Variants in RRAS2 observed in about 807,000 individuals in gnomAD.
RRAS2 encodes RAS related 2, also known as ras-related protein R-Ras2.
RRAS2 carries 7 observed loss-of-function variants against 27.6 expected under a neutral mutation model. That is an observed-to-expected ratio of 0.25 (90% CI 0.14 to 0.48). RRAS2 has a LOEUF of 0.48. Ranked by LOEUF, RRAS2 falls within the 20% of genes least tolerant of loss-of-function variation. The pLI, the probability that RRAS2 is intolerant of heterozygous loss-of-function variation, is 0.99. For synonymous variants in RRAS2, 86 were observed against 90.9 expected (o/e 0.95, Z 0.31); for missense variants, 178 against 256.2 (o/e 0.69, Z 2.08).
Position 14,286,517 on chromosome 11 carries a change from T to C in RRAS2, c.409-4797A>G, listed in dbSNP as rs148158738. On this transcript the variant is annotated intron_variant, in intron 4 of 5. Coordinates refer to ENST00000256196, the MANE Select transcript of RRAS2 (RefSeq NM_012250.6). ...ATATAAGGTTTTCTACTTTGATTGATTAGAATATGAATTATTCCTAGCCCT... is the reference window on the plus strand; with the variant it reads ...ATATAAGGTTTTCTACTTTGATTGACTAGAATATGAATTATTCCTAGCCCT... Among the ~76,000 whole-genome samples the C allele has an allele frequency of 3.3e-5, 5 of 152,344 alleles. No homozygotes were observed. In the East Asian group the frequency reaches 9.6e-4, roughly 29 times the overall value.
At chr11:14,319,344 T>TC (rs1564969269) in intron 1 of RRAS2, among the ~76,000 whole-genome samples, 2 of 105,028 alleles carry the variant, frequency 1.9e-5, no homozygotes, top group Non-Finnish European at 1.9e-5. Flanking sequence ...GTTCCCTCTG[T>TC]CTTTTTTTTT....
chr11:14,332,411 G>C (rs34171876), intron 1 of RRAS2, among the ~76,000 whole-genome samples: 45,557 of 152,110 alleles, frequency 0.3, 7,835 homozygotes, highest in South Asian at 0.43. Flanking sequence ...TGAGGCAGGA[G>C]GCCCACTTGA....
rs782441022 is a variant in RRAS2 at position 14,358,714 on chromosome 11, C to A, written c.108+49G>T. On this transcript the variant is annotated intron_variant, in intron 1 of 5. Transcript: ENST00000256196. This position sits in a 1 kb window ranked among gnomAD's most constrained non-coding sequence, Gnocchi z 5.1. The stretch of plus-strand genomic sequence containing the variant: ...GCCGCCCCGCCACAGGTAGCGCCAG[C>A]CCCCGCCCGCCGCCGCTCCGGCGCC... The A allele has an allele frequency of 1.7e-6, 2 of 1,167,846 alleles. No homozygotes were observed. Among genetic ancestry groups the A allele is most frequent in the African/African-American group, 3.2e-5 (2 of 62,088 alleles). The allele number at this position is 1,167,846 out of a possible 1,614,324, so 72.3% of individuals were successfully genotyped here.
At chr11:14,303,419 T>C (rs927804097) in intron 1 of RRAS2, among the ~76,000 whole-genome samples, 1 of 152,170 alleles carries the variant, frequency 6.6e-6, no homozygotes, top group Non-Finnish European at 1.5e-5. Flanking sequence ...AGTCTCATAA[T>C]TTTTTAAAAT....
At chr11:14,356,801 C>CA in intron 1 of RRAS2, 1 of 374,156 alleles carries the variant, frequency 2.7e-6, no homozygotes, top group Non-Finnish European at 5.1e-6. Flanking sequence ...GCAATTAATG[C>CA]TTTTTTTTTT....
Position 14,294,856 on chromosome 11 carries a change from T to C in RRAS2, c.203A>G (p.Asp68Gly). 6.2e-7 allele frequency: 1 copy of C among 1,613,230 alleles called. No homozygotes were observed. Among genetic ancestry groups the C allele is most frequent in the Non-Finnish European group, 8.5e-7 (1 of 1,179,454 alleles). ...TCCAAACTCTTCTTGTCCTGCTGTA[T>C]CCAAAACTAAAGAAAAAACAACAAA... ...DDRAARLDIL[D>G]TAGQEEFGAM... is the part of the protein sequence containing the mutation. Residue 68 changes from aspartate to glycine, a missense_variant, in exon 3 of 6, where the codon GAT (aspartate) becomes GGT (glycine). Asp to Gly is a moderately conservative substitution (Grantham distance 94). Transcript: ENST00000256196.
intron 1 of RRAS2, among the ~76,000 whole-genome samples, chr11:14,333,367 C>T (rs1206032675): frequency 4.6e-5 from 7 of 152,130 alleles, no homozygotes; most frequent in African/African-American, 1.4e-4. Context: ...CTAAACTATA[C>T]TCTAGAAAAC....
chr11:14,352,443 G>A (rs2134038888), intron 1 of RRAS2, among the ~76,000 whole-genome samples: 1 of 152,202 alleles, frequency 6.6e-6, no homozygotes, highest in East Asian at 1.9e-4. Flanking sequence ...CTTTGCAAAA[G>A]AAATAAATCT....
Position 14,295,779 on chromosome 11 carries a change from G to A in RRAS2, c.185C>T (p.Ala62Val). The A allele has an allele frequency of 6.2e-7, 1 of 1,609,064 alleles. No homozygotes were observed. Among genetic ancestry groups the A allele is most frequent in the Non-Finnish European group, 8.5e-7 (1 of 1,177,172 alleles). The stretch of plus-strand genomic sequence containing the variant: ...GGAAGTTTACTTACTATCTAGCCGG[G>A]CTGCTCTGTCATCTATCACACACTG... ...TKQCVIDDRA[A>V]RLDILDTAGQ... The change falls in exon 2 of 6, where the codon GCC becomes GTC. Residue 62 changes from alanine to valine, a missense_variant. Coordinates refer to ENST00000256196, the MANE Select transcript of RRAS2 (RefSeq NM_012250.6).
Position 14,358,421 on chromosome 11 carries a change from G to T in RRAS2, c.108+342C>A. ...CTCCAGCCCCACGCCCGGACCCTCG[G>T]AGCAGTAAAGCCCGGCTCGGTGGCC... is the stretch of plus-strand genomic sequence containing the variant. On this transcript the variant is annotated intron_variant, in intron 1 of 5. Transcript: ENST00000256196. This position sits in a 1 kb window ranked among gnomAD's most constrained non-coding sequence, Gnocchi z 5.1. 2 of 985,450 alleles carry T rather than the reference G, an allele frequency of 2.0e-6. No homozygotes were observed. Among genetic ancestry groups the T allele is most frequent in the South Asian group, 9.4e-5 (2 of 21,280 alleles). The allele number at this position is 985,450 out of a possible 1,614,324, so 61.0% of individuals were successfully genotyped here.
intron 4 of RRAS2, among the ~76,000 whole-genome samples, chr11:14,292,938 T>A (rs1021598986): frequency 6.6e-6 from 1 of 151,270 alleles, no homozygotes; most frequent in East Asian, 1.9e-4. Context: ...AAACCCCGTA[T>A]CTACTAAAAA....
chr11:14,356,716 G>C (rs1849081584), intron 1 of RRAS2: 1 of 444,698 alleles, frequency 2.2e-6, no homozygotes, highest in South Asian at 1.6e-5. Flanking sequence ...ATATCATCTA[G>C]AGCATCCAGG....
rs1418512526 is a variant in RRAS2, at chr11:14,358,084, C to T, written c.108+679G>A. Among the ~76,000 whole-genome samples the T allele has an allele frequency of 6.6e-6, 1 of 152,196 alleles. No homozygotes were observed. The highest frequency in any genetic ancestry group is 1.5e-5 in the Non-Finnish European group (1 of 68,020). ...AACTTCACCTAGGCACGGCGAGAAG[C>T]AGGACGGCATCAGGAATTCCTAGGA... On this transcript the variant is annotated intron_variant, in intron 1 of 5. Transcript: ENST00000256196. The surrounding 1 kb of genome is among the most constrained non-coding windows in gnomAD (Gnocchi z 5.1).
intron 1 of RRAS2, among the ~76,000 whole-genome samples, chr11:14,317,072 G>T (rs781999529): frequency 6.6e-6 from 1 of 152,144 alleles, no homozygotes; most frequent in Admixed American, 6.5e-5. Flanking sequence ...TTTCTGTGTG[G>T]TAAGAGTAAA....
In RRAS2 at chr11:14,292,387, T is replaced by C. The variant is rs553603917; in HGVS notation, c.408+2084A>G. 1.5e-3 allele frequency among the ~76,000 whole-genome samples: 229 copies of C among 152,122 alleles called. 1 individual carries two copies. In the South Asian group the frequency reaches 0.026, roughly 17 times the overall value. On this transcript the variant is annotated intron_variant, in intron 4 of 5. Coordinates refer to ENST00000256196, the MANE Select transcript of RRAS2 (RefSeq NM_012250.6). ...TTCTATATTCAGGACAGGAAGCATATAGGGGTGAGGCAAAAGTCAGCGAGA... is the reference window on the plus strand; with the variant it reads ...TTCTATATTCAGGACAGGAAGCATACAGGGGTGAGGCAAAAGTCAGCGAGA...
chr11:14,293,559 TC>T (rs1847469349), intron 4 of RRAS2, among the ~76,000 whole-genome samples: 2 of 151,758 alleles, frequency 1.3e-5, no homozygotes, highest in South Asian at 4.2e-4. Flanking sequence ...ATCCGCGGTT[TC>T]CCCCATCCTG....
intron 1 of RRAS2, among the ~76,000 whole-genome samples, chr11:14,311,292 T>C (rs1322541302): frequency 6.6e-6 from 1 of 152,200 alleles, no homozygotes; most frequent in Non-Finnish European, 1.5e-5. Flanking sequence ...TACAGTGAGC[T>C]ATCATCATCA....
intron 1 of RRAS2, among the ~76,000 whole-genome samples, chr11:14,323,939 A>G (rs1394378016): frequency 1.3e-5 from 2 of 151,618 alleles, no homozygotes; most frequent in Non-Finnish European, 2.9e-5. Flanking sequence ...AAAACACTAT[A>G]AGAGATATGG....
intron 1 of RRAS2, among the ~76,000 whole-genome samples, chr11:14,302,062 T>TA (rs1847720585): frequency 1.5e-5 from 1 of 68,858 alleles, no homozygotes; most frequent in Non-Finnish European, 3.1e-5. Context: ...GGAGTAAATG[T>TA]ACCACACACA....
Sources: gnomAD v4.1 joint callset for allele counts (sites outside exome capture counted in the v4.1 genomes callset) on GRCh38, gnomAD v4.1.1 for gene constraint, Gnocchi (gnomAD v3.1) non-coding constraint, MANE v1.5 for transcripts, NCBI Gene and HGNC (gene_info 2026-07-23, HGNC 2026-07-21) for gene names.